Variants in TTC23L observed in about 807,000 individuals in gnomAD.
TTC23L encodes tetratricopeptide repeat domain 23 like.
In TTC23L, 42 loss-of-function variants were observed where a neutral mutation model predicts 48.1. The observed-to-expected ratio is 0.87, with a 90% CI of 0.68 to 1.13. The LOEUF is 1.13. Among genes scored for constraint, TTC23L ranks in the 50% most tolerant of loss-of-function variants. TTC23L has a pLI of 0.00. For missense variants in TTC23L, 391 were observed against 421.0 expected (o/e 0.93, Z 0.62); for synonymous variants, 159 against 157.2 (o/e 1.01, Z -0.09).
intron 4 of TTC23L, 129 bp downstream of exon 4, chr5:34,850,437 G>A: frequency 8.9e-7 from 1 of 1,126,156 alleles, no homozygotes; most frequent in African/African-American, 1.6e-5. Context: ...TTATCAGGAA[G>A]GAAAGTCCAT....
At chr5:34,871,412 T>A (rs1011049520) in intron 8 of TTC23L, among the ~76,000 whole-genome samples, 1 of 152,130 alleles carries the variant, frequency 6.6e-6, no homozygotes, top group Admixed American at 6.5e-5. Flanking sequence ...AAATTAAATA[T>A]GACCTAAATA....
intron 1 of TTC23L, 190 bp downstream of exon 1, chr5:34,839,449 G>A (rs1758405437): frequency 5.7e-6 from 1 of 176,424 alleles, no homozygotes; most frequent in African/African-American, 2.4e-5. Context: ...AGGGCTTACA[G>A]ACTTGCCGCA....
the TTC23L span, chr5:34,911,640 T>A: frequency 6.2e-7 from 1 of 1,614,180 alleles, no homozygotes; most frequent in South Asian, 1.1e-5. Flanking sequence ...GGAGCCCCTC[T>A]GACTGCAGAA....
At chr5:34,890,800 T>G (rs1762823282) in intron 9 of TTC23L, among the ~76,000 whole-genome samples, 1 of 151,922 alleles carries the variant, frequency 6.6e-6, no homozygotes, top group South Asian at 2.1e-4. Context: ...AAAGATGAGG[T>G]CTTTCTGTGT....
At chr5:34,916,067 C>T in the TTC23L span, 1 of 726,370 alleles carries the variant, frequency 1.4e-6, no homozygotes, top group Non-Finnish European at 2.1e-6. Flanking sequence ...TGCAGCTAAT[C>T]CTTGTGCACG....
the TTC23L span, chr5:34,922,844 A>G: frequency 7.1e-7 from 1 of 1,410,206 alleles, no homozygotes; most frequent in Non-Finnish European, 1.0e-6. Flanking sequence ...TAGTTGTGTT[A>G]TTCAATTTAG....
intron 10 of TTC23L, 64 bp downstream of exon 10, chr5:34,896,939 T>C (rs1470246819): frequency 3.2e-6 from 2 of 628,002 alleles, no homozygotes; most frequent in African/African-American, 3.6e-5. Flanking sequence ...GAAATGCTGA[T>C]TCCAAGGGAT....
the TTC23L span, chr5:34,908,806 A>G: frequency 8.1e-5 from 130 of 1,611,144 alleles, no homozygotes; most frequent in Non-Finnish European, 1.1e-4. Context: ...GGGCAGCAGT[A>G]ATATTCCACA....
the TTC23L span, among the ~76,000 whole-genome samples, chr5:34,924,085 C>T: frequency 3.9e-5 from 6 of 152,170 alleles, no homozygotes; most frequent in South Asian, 1.0e-3. Flanking sequence ...TGTAATTGCT[C>T]TAGAAGGCAT....
At chr5:34,848,244 C>T (rs75978032) in intron 3 of TTC23L, among the ~76,000 whole-genome samples, 1,792 of 152,240 alleles carry the variant, frequency 0.012, 30 homozygotes, top group African/African-American at 0.041. Context: ...CCAATAATGG[C>T]TGTGTTTGTA....
Position 34,867,003 on chromosome 5 carries a change from C to T in TTC23L, c.774C>T (p.Tyr258=), listed in dbSNP as rs370183850. ...GGACGTCAGATCTGATCAGCCTGTA[C>T]GAGGAAGCTGCTCAGATAGAGCAGC... Residue 258 remains tyrosine, a synonymous_variant, in exon 7 of 11, where the codon TAC becomes TAT. Transcript: ENST00000505624. 216 of 1,611,822 alleles carry T rather than the reference C, an allele frequency of 1.3e-4. No homozygotes were observed. In the Admixed American group the frequency reaches 1.6e-3, roughly 12 times the overall value.
At chr5:34,839,619 TTC>T in intron 1 of TTC23L, 2 of 985,266 alleles carry the variant, frequency 2.0e-6, no homozygotes, top group Non-Finnish European at 2.4e-6. Context: ...GACTCTCCCT[TTC>T]TGATTTTCGG....
chr5:34,839,706 A>C, intron 1 of TTC23L: 1 of 973,786 alleles, frequency 1.0e-6, no homozygotes, highest in Non-Finnish European at 1.2e-6. Context: ...GGAGGGTGAA[A>C]GGAGAGGCGA....
intron 9 of TTC23L, among the ~76,000 whole-genome samples, chr5:34,891,858 G>C (rs1256026604): frequency 6.6e-6 from 1 of 152,160 alleles, no homozygotes; most frequent in African/African-American, 2.4e-5. Flanking sequence ...GGAAAAATTA[G>C]GAGATCTAAT....
intron 4 of TTC23L, 117 bp downstream of exon 4, chr5:34,850,425 CATT>C: frequency 7.9e-7 from 1 of 1,271,160 alleles, no homozygotes; most frequent in African/African-American, 1.5e-5. Context: ...CTAGCTCACA[CATT>C]ATCAGGAAGG....
intron 3 of TTC23L, among the ~76,000 whole-genome samples, chr5:34,845,882 G>A (rs969142892): frequency 6.6e-6 from 1 of 152,138 alleles, no homozygotes; most frequent in African/African-American, 2.4e-5. Context: ...CCTCCTTGGG[G>A]CATTTCTGGT....
chr5:34,869,256 CAGTG>C (rs1262997483), intron 8 of TTC23L: 1 of 415,332 alleles, frequency 2.4e-6, no homozygotes, highest in African/African-American at 2.0e-5. Context: ...TTTTGAATCT[CAGTG>C]AGATTCACCT....
chr5:34,909,213 A>C, the TTC23L span: 1 of 1,379,924 alleles, frequency 7.2e-7, no homozygotes, highest in Non-Finnish European at 1.0e-6. Context: ...CTGGTATTTA[A>C]CCTCCTCTTT....
At chr5:34,911,834 C>T in the TTC23L span, 292 of 1,612,544 alleles carry the variant, frequency 1.8e-4, 1 homozygote, top group Middle Eastern at 2.3e-3. Flanking sequence ...AGAAGTCATA[C>T]TTGGCCTTAG....
Sources: gnomAD v4.1 joint callset for allele counts (sites outside exome capture counted in the v4.1 genomes callset) on GRCh38, gnomAD v4.1.1 for gene constraint, MANE v1.5 for transcripts, NCBI Gene and HGNC (gene_info 2026-07-23, HGNC 2026-07-21) for gene names.